Variants in ATP8A2 observed in about 807,000 individuals in gnomAD.
ATP8A2 encodes the protein phospholipid-transporting ATPase IB.
In ATP8A2, 100 loss-of-function variants were observed where a neutral mutation model predicts 165.6. That is an observed-to-expected ratio of 0.60 (90% confidence interval 0.51 to 0.71). The LOEUF is 0.71. Among genes scored for constraint, ATP8A2 ranks in the 30% least tolerant of loss-of-function variants. ATP8A2 has a pLI of 0.00. For synonymous variants in ATP8A2, 543 were observed against 548.8 expected, an observed-to-expected ratio of 0.99 and a Z score of 0.15; for missense variants, 1,227 against 1,479.5, an observed-to-expected ratio of 0.83 and a Z score of 2.80.
chr13:26,000,960 C>T (rs1042757952), intron 35 of ATP8A2, among the ~76,000 whole-genome samples: 5 of 152,110 alleles, frequency 3.3e-5, no homozygotes, highest in Non-Finnish European at 7.4e-5. Context: ...TAACCATTAC[C>T]ACTACCTAGT....
rs1951709118 is a variant in ATP8A2 at position 25,839,635 on chromosome 13, T to G, written c.2956+11T>G. The G allele has an allele frequency of 1.9e-6, 3 of 1,611,382 alleles. No individual in the cohort carries two copies. Among genetic ancestry groups the G allele is most frequent in the Non-Finnish European group, 2.5e-6 (3 of 1,177,472 alleles). Reference sequence around the variant, plus strand: ...AAGCTCTGGAGCATGGTAAGGGCTGTGTGATTTCACCTGTCAGCAAGGAGC... The same window carrying G: ...AAGCTCTGGAGCATGGTAAGGGCTGGGTGATTTCACCTGTCAGCAAGGAGC... On this transcript the variant is annotated intron_variant, in intron 30 of 36. Coordinates refer to ENST00000381655, the MANE Select transcript of ATP8A2 (RefSeq NM_016529.6).
At chr13:25,828,623 G>T (rs967626516) in intron 28 of ATP8A2, among the ~76,000 whole-genome samples, 2 of 152,156 alleles carry the variant, frequency 1.3e-5, no homozygotes, top group South Asian at 4.1e-4. Flanking sequence ...TCCTGAAAGG[G>T]TATCTGTCCT....
At chr13:25,551,188 T>A (rs2038810301) in intron 10 of ATP8A2, 150 bp from the exon 11 acceptor site, 2 of 663,036 alleles carry the variant, frequency 3.0e-6, no homozygotes, top group South Asian at 4.3e-5. Flanking sequence ...TTCAGGAGCA[T>A]GGTACACTTT....
At chr13:25,683,381 G>A (rs1330361901) in intron 24 of ATP8A2, among the ~76,000 whole-genome samples, 1 of 152,276 alleles carries the variant, frequency 6.6e-6, no homozygotes, top group Middle Eastern at 3.4e-3. Context: ...CTTAAAATGC[G>A]TGATTTCGTA....
chr13:25,759,674 G>A (rs1028021735), intron 25 of ATP8A2, among the ~76,000 whole-genome samples: 10 of 152,120 alleles, frequency 6.6e-5, no homozygotes, highest in Admixed American at 2.6e-4. Flanking sequence ...GTTTCAGCAT[G>A]GGAACAGAAG....
intron 1 of ATP8A2, among the ~76,000 whole-genome samples, chr13:25,393,686 G>A (rs992884746): frequency 5.3e-5 from 8 of 152,322 alleles, no homozygotes; most frequent in African/African-American, 1.9e-4. Context: ...AAAGTGCTGG[G>A]ATTACAGGCA....
intron 2 of ATP8A2, among the ~76,000 whole-genome samples, chr13:25,504,688 C>T (rs1470606410): frequency 6.6e-5 from 9 of 136,090 alleles, no homozygotes; most frequent in South Asian, 4.6e-4. Flanking sequence ...TGCAGTGAGC[C>T]GAGATTGCGC....
At chr13:25,478,317 G>C (rs979687202) in intron 2 of ATP8A2, among the ~76,000 whole-genome samples, 2 of 152,066 alleles carry the variant, frequency 1.3e-5, no homozygotes, top group Middle Eastern at 3.2e-3. Context: ...CTTCTGTGTC[G>C]TTATCCAGAA....
intron 33 of ATP8A2, among the ~76,000 whole-genome samples, chr13:25,909,707 A>G (rs1954046144): frequency 6.6e-6 from 1 of 152,192 alleles, no homozygotes; most frequent in African/African-American, 2.4e-5. Context: ...AACATTCATA[A>G]TGTTTTGCAA....
intron 27 of ATP8A2, among the ~76,000 whole-genome samples, chr13:25,803,987 T>G (rs1453190088): frequency 6.6e-6 from 1 of 152,204 alleles, no homozygotes; most frequent in African/African-American, 2.4e-5. Flanking sequence ...AACTTCTGTT[T>G]TCTGTGTTGG....
intron 25 of ATP8A2, among the ~76,000 whole-genome samples, chr13:25,716,553 A>G (rs951200518): frequency 1.3e-5 from 2 of 152,212 alleles, no homozygotes; most frequent in African/African-American, 4.8e-5. Flanking sequence ...CAGTTTTTCC[A>G]GCACCATTTG....
At position 25,999,885 on chromosome 13, in the gene ATP8A2, C is replaced by A. The variant is rs79376311; in HGVS notation, c.3378-12646C>A. ...TCCGTGGTATATAAAATAAATATAACTCTTATTGAAGTTTTAGGCTGGAAA... is the reference window on the plus strand; with the variant it reads ...TCCGTGGTATATAAAATAAATATAAATCTTATTGAAGTTTTAGGCTGGAAA... On this transcript the variant is annotated intron_variant, in intron 35 of 36. Transcript: ENST00000381655. Among the ~76,000 whole-genome samples the A allele has an allele frequency of 4.3e-3, 659 of 152,264 alleles. 7 individuals are homozygous for A. The highest frequency in any genetic ancestry group is 0.015 in the African/African-American group (631 of 41,540).
rs9507600 is a variant in ATP8A2 at position 25,917,467 on chromosome 13, G to A, written c.3184-44108G>A. 1.3e-5 allele frequency among the ~76,000 whole-genome samples: 2 copies of A among 152,152 alleles called. 1 individual carries two copies. Among genetic ancestry groups the A allele is most frequent in the Admixed American group, 1.3e-4 (2 of 15,278 alleles). ...TCTGCTCCTCATAGTAACCCTGAAG[G>A]GGTTTTTATAGTCTGCATCTTATGA... On this transcript the variant is annotated intron_variant, in intron 33 of 36. Transcript: ENST00000381655.
chr13:25,819,659 T>C (rs1455525606), intron 27 of ATP8A2, among the ~76,000 whole-genome samples: 1 of 151,856 alleles, frequency 6.6e-6, no homozygotes. Flanking sequence ...GTTTTTTGTT[T>C]TTTTTTTTGT....
At chr13:25,958,974 C>T (rs943314755) in intron 33 of ATP8A2, among the ~76,000 whole-genome samples, 1 of 152,102 alleles carries the variant, frequency 6.6e-6, no homozygotes, top group Non-Finnish European at 1.5e-5. Context: ...TTAAATGATA[C>T]ATTATGTAAA....
At chr13:25,538,568 A>G (rs969721603) in intron 7 of ATP8A2, among the ~76,000 whole-genome samples, 1 of 152,102 alleles carries the variant, frequency 6.6e-6, no homozygotes. Flanking sequence ...TATCATTTTC[A>G]TATTCTCTAG....
At chr13:25,799,368 A>G (rs1321071844) in intron 27 of ATP8A2, among the ~76,000 whole-genome samples, 3 of 152,222 alleles carry the variant, frequency 2.0e-5, no homozygotes, top group Non-Finnish European at 4.4e-5. Context: ...AACGAAGGTC[A>G]CAGTGATCTT....
At chr13:25,714,234 G>A (rs2043210411) in intron 25 of ATP8A2, among the ~76,000 whole-genome samples, 1 of 152,128 alleles carries the variant, frequency 6.6e-6, no homozygotes, top group African/African-American at 2.4e-5. Flanking sequence ...CTTCTCCCTT[G>A]CTTTCTGTGT....
At chr13:26,019,390 C>G (rs1479147588) in intron 36 of ATP8A2, among the ~76,000 whole-genome samples, 1 of 152,222 alleles carries the variant, frequency 6.6e-6, no homozygotes, top group Non-Finnish European at 1.5e-5. Flanking sequence ...GAGCAAGACT[C>G]TGTCTCAAAT....
Sources: gnomAD v4.1 joint callset for allele counts (sites outside exome capture counted in the v4.1 genomes callset) on GRCh38, gnomAD v4.1.1 for gene constraint, MANE v1.5 for transcripts, NCBI Gene and HGNC (gene_info 2026-07-23, HGNC 2026-07-21) for gene names.